The following CSNK1G2 variants were observed in gnomAD, a reference collection of about 807,000 sequenced individuals.
CSNK1G2 encodes casein kinase 1 gamma 2.
CSNK1G2 carries 11 observed loss-of-function variants against 48.0 expected under a neutral mutation model. The ratio of observed to expected loss-of-function variants is 0.23; its 90% CI spans 0.14 to 0.38. CSNK1G2 has a LOEUF of 0.38. Ranked by LOEUF, CSNK1G2 falls within the 10% of genes least tolerant of loss-of-function variation. The pLI is 1.00. For missense variants in CSNK1G2, 446 were observed against 595.5 expected (o/e 0.75, Z 2.61); for synonymous variants, 337 against 254.1 (o/e 1.33, Z -3.10).
chr19:1,960,547 G>C (rs1319215328), intron 1 of CSNK1G2, among the ~76,000 whole-genome samples: 2 of 152,228 alleles, frequency 1.3e-5, no homozygotes, highest in African/African-American at 2.4e-5. Flanking sequence ...GTCTCCGTGT[G>C]TGTGTCTGTG....
At chr19:1,950,405 C>T (rs1208611584) in intron 1 of CSNK1G2, among the ~76,000 whole-genome samples, 1 of 147,168 alleles carries the variant, frequency 6.8e-6, no homozygotes, top group African/African-American at 2.6e-5. Flanking sequence ...TCCCAAAGTG[C>T]TGGGATTACA....
intron 1 of CSNK1G2, among the ~76,000 whole-genome samples, chr19:1,963,965 C>T (rs1029458963): frequency 6.6e-5 from 10 of 151,434 alleles, no homozygotes; most frequent in African/African-American, 1.2e-4. Context: ...TACAGGCACC[C>T]GCCACCATGC....
At position 1,979,786 on chromosome 19, in the gene CSNK1G2, C is replaced by A; in HGVS notation, c.1037C>A (p.Pro346His). ...ATCGGCACCGTCCACACCGACCTGC[C>A]CTCCCAGCCTCAGCTCCGGGACAAA... ...TPIGTVHTDL[P>H]SQPQLRDKTQ... is the part of the protein sequence containing the mutation. The change falls in exon 10 of 12, where the codon CCC (proline) becomes CAC (histidine). Residue 346 changes from proline (P) to histidine (H), a missense_variant. By Grantham distance (77) the Pro-to-His change is moderately conservative. Transcript: ENST00000255641. The A allele has an allele frequency of 6.2e-7, 1 of 1,607,370 alleles. No homozygotes were observed. The highest frequency in any genetic ancestry group is 8.5e-7 in the Non-Finnish European group (1 of 1,178,874).
Position 1,968,434 on chromosome 19 carries a change from C to G in CSNK1G2, c.-265-1074C>G, listed in dbSNP as rs572412872. On this transcript the variant is annotated intron_variant, in intron 1 of 11. Transcript: ENST00000255641. ...GTCCTGCCTCCCGTCGGGGCCTGCG[C>G]TGAGACTGGGCTCCATGCCAGCCGG... Among the ~76,000 whole-genome samples the G allele has an allele frequency of 1.5e-4, 23 of 152,316 alleles. No individual in the cohort carries two copies. The East Asian group carries it at 4.1e-3, about 27-fold the overall frequency.
chr19:1,942,097 C>T (rs1406202385), intron 1 of CSNK1G2, among the ~76,000 whole-genome samples: 3 of 152,160 alleles, frequency 2.0e-5, no homozygotes, highest in Admixed American at 1.3e-4. Context: ...CCGCAGGGAC[C>T]TGTTGCGGCA....
rs1230167477 is a variant in CSNK1G2 at position 1,979,900 on chromosome 19, G to C, written c.1087-11G>C. ...TGGGCGGCCAGCGTGACCCCCTACT[G>C]CCCCCACCAGGCGTTGAACTCCACC... On this transcript the variant is annotated splice_polypyrimidine_tract_variant and intron_variant, in intron 10 of 11. Coordinates refer to ENST00000255641, the MANE Select transcript of CSNK1G2 (RefSeq NM_001319.7). 6.2e-6 allele frequency: 10 copies of C among 1,607,492 alleles called. No individual in the cohort carries two copies. Among genetic ancestry groups the C allele is most frequent in the Middle Eastern group, 1.7e-4 (1 of 6,050 alleles).
intron 1 of CSNK1G2, among the ~76,000 whole-genome samples, chr19:1,955,301 G>C (rs1390378185): frequency 6.1e-5 from 7 of 114,952 alleles, no homozygotes; most frequent in African/African-American, 2.7e-4. Flanking sequence ...CTGCCCTCCT[G>C]CTGCTGCTGC....
In CSNK1G2 at chr19:1,980,562, C is replaced by T; in HGVS notation, c.*359C>T. 1 of 311,216 alleles carries T rather than the reference C, an allele frequency of 3.2e-6. No homozygotes were observed. The highest frequency in any genetic ancestry group is 3.3e-5 in the South Asian group (1 of 30,670). The allele number at this position is 311,216 out of a possible 1,614,324, so 19.3% of individuals were successfully genotyped here. ...AGTGTGATCCTGGAGGCCCCCCGGC[C>T]TGGCCCCGCCCCGCCAGCCGCCCCC... On this transcript the variant is annotated 3_prime_UTR_variant, in exon 12 of 12. Coordinates refer to ENST00000255641, the MANE Select transcript of CSNK1G2 (RefSeq NM_001319.7).
At chr19:1,976,428 A>G (rs1227821784) in intron 2 of CSNK1G2, among the ~76,000 whole-genome samples, 2 of 152,202 alleles carry the variant, frequency 1.3e-5, no homozygotes, top group Admixed American at 6.5e-5. Context: ...AGGGAACTTG[A>G]CAAGCTGATT....
chr19:1,965,746 G>A (rs902225865), intron 1 of CSNK1G2, among the ~76,000 whole-genome samples: 3 of 151,906 alleles, frequency 2.0e-5, no homozygotes, highest in African/African-American at 4.8e-5. Context: ...CAGTCTGCCC[G>A]CCTCAGCCTC....
intron 2 of CSNK1G2, chr19:1,975,589 G>A (rs2015725129): frequency 1.0e-6 from 1 of 985,464 alleles, no homozygotes; most frequent in Non-Finnish European, 1.2e-6. Context: ...AGCCTTTTGG[G>A]CGGGGAAGGG....
chr19:1,978,803 A>T lies in CSNK1G2; in HGVS notation c.447+53A>T, dbSNP rs1408539838. ...CTCGGAGGGAAGAGGGTGGCCCTGG[A>T]GGGGAGCGCGTGGGACGGGGAGGGG... is the stretch of plus-strand genomic sequence containing the variant. On this transcript the variant is annotated intron_variant, in intron 5 of 11. Coordinates refer to ENST00000255641, the MANE Select transcript of CSNK1G2 (RefSeq NM_001319.7). The surrounding 1 kb of genome is among the most constrained non-coding windows in gnomAD (Gnocchi z 7.3). The T allele has an allele frequency of 1.3e-6, 2 of 1,566,768 alleles. No individual in the cohort carries two copies. The highest frequency in any genetic ancestry group is 1.7e-6 in the Non-Finnish European group (2 of 1,159,766).
At chr19:1,963,098 G>A (rs1169706449) in intron 1 of CSNK1G2, among the ~76,000 whole-genome samples, 1 of 120,754 alleles carries the variant, frequency 8.3e-6, no homozygotes, top group Non-Finnish European at 1.8e-5. Flanking sequence ...CAGAGGACAT[G>A]CCGTGTGTGA....
chr19:1,970,949 G>C (rs975490098), intron 2 of CSNK1G2, among the ~76,000 whole-genome samples: 8 of 152,216 alleles, frequency 5.3e-5, no homozygotes, highest in Non-Finnish European at 1.0e-4. Context: ...GAGGGAAACA[G>C]GCCCACGCAG....
At position 1,978,666 on chromosome 19, in the gene CSNK1G2, G is replaced by C; in HGVS notation, c.363G>C (p.Leu121=). ...AGTACAACGCCATGGTGCTGGAGCT[G>C]CTGGGGCCCAGCCTGGAGGACCTGT... ...CGKYNAMVLE[L]LGPSLEDLFD... is the part of the protein sequence containing the mutation. The change falls in exon 5 of 12, where the codon CTG becomes CTC. Residue 121 remains leucine (L), a synonymous_variant. Transcript: ENST00000255641. The surrounding 1 kb of genome is among the most constrained non-coding windows in gnomAD (Gnocchi z 7.3). 6.2e-7 allele frequency: 1 copy of C among 1,607,376 alleles called. No individual in the cohort carries two copies. The highest frequency in any genetic ancestry group is 8.5e-7 in the Non-Finnish European group (1 of 1,177,294).
intron 1 of CSNK1G2, among the ~76,000 whole-genome samples, chr19:1,967,760 G>T (rs184971280): frequency 5.0e-5 from 2 of 40,056 alleles, no homozygotes; most frequent in African/African-American, 3.5e-4. Flanking sequence ...GGCTGCCCCC[G>T]ACCACCCTTC....
intron 1 of CSNK1G2, among the ~76,000 whole-genome samples, chr19:1,965,253 G>A (rs1568194532): frequency 6.6e-6 from 1 of 150,422 alleles, no homozygotes; most frequent in Admixed American, 6.6e-5. Flanking sequence ...CGTGGTGGCG[G>A]GCGCCTTTAG....
intron 1 of CSNK1G2, among the ~76,000 whole-genome samples, chr19:1,945,876 T>C (rs1028719880): frequency 3.3e-5 from 5 of 150,682 alleles, no homozygotes; most frequent in Non-Finnish European, 7.4e-5. Context: ...GCTGAACTTC[T>C]GGGGCACGCT....
At position 1,980,445 on chromosome 19, in the gene CSNK1G2, C is replaced by T. The variant is rs761299040; in HGVS notation, c.*242C>T. Reference sequence around the variant, plus strand: ...TGTGTCTAGTCCTCCCCTCCAAGAGCATTAACTATTTAAAACAAGGAAAAG... The same window carrying T: ...TGTGTCTAGTCCTCCCCTCCAAGAGTATTAACTATTTAAAACAAGGAAAAG... On this transcript the variant is annotated 3_prime_UTR_variant, in exon 12 of 12. Transcript: ENST00000255641. 11 of 578,220 alleles carry T rather than the reference C, an allele frequency of 1.9e-5. No individual in the cohort carries two copies. The highest frequency in any genetic ancestry group is 3.1e-5 in the Non-Finnish European group (10 of 323,994). 35.8% of individuals were successfully genotyped at this position (578,220 alleles called of 1,614,324 possible). A position where few individuals can be genotyped will look rare whatever the true frequency, so the allele number is the denominator to read the frequency against.
Sources: gnomAD v4.1 joint callset for allele counts (sites outside exome capture counted in the v4.1 genomes callset) on GRCh38, gnomAD v4.1.1 for gene constraint, Gnocchi (gnomAD v3.1) non-coding constraint, MANE v1.5 for transcripts, NCBI Gene and HGNC (gene_info 2026-07-23, HGNC 2026-07-21) for gene names.